The following C11orf65 variants were observed in gnomAD, a reference collection of about 807,000 sequenced individuals.
The protein encoded by C11orf65 is chromosome 11 open reading frame 65.
A neutral mutation model predicts 35.3 loss-of-function variants in C11orf65; 38 were observed. That is an observed-to-expected ratio of 1.08 (90% CI 0.83 to 1.41). The LOEUF (loss-of-function observed/expected upper bound fraction) is 1.41. Ranked by LOEUF, C11orf65 falls within the 40% of genes most tolerant of loss-of-function variation. The pLI, the probability that C11orf65 is intolerant of heterozygous loss-of-function variation, is 0.00. For missense variants in C11orf65, 370 were observed against 367.1 expected (o/e 1.01, Z -0.06); for synonymous variants, 105 against 114.4 (o/e 0.92, Z 0.53).
At chr11:108,325,441 T>A in intron 6 of C11orf65, 1 of 1,613,686 alleles carries the variant, frequency 6.2e-7, no homozygotes, top group Non-Finnish European at 8.5e-7. Context: ...GAGATCCTGA[T>A]GGAAAAGGAA....
At chr11:108,308,989 G>A in exon 7 of C11orf65, 1 of 1,524,390 alleles carries the variant, frequency 6.6e-7, no homozygotes, top group Non-Finnish European at 8.8e-7. Flanking sequence ...GGGGTAGAAT[G>A]GTGTTGACAT....
chr11:108,414,905 G>A (rs961590476), intron 3 of C11orf65, among the ~76,000 whole-genome samples: 1 of 152,012 alleles, frequency 6.6e-6, no homozygotes, highest in African/African-American at 2.4e-5. Context: ...CTATTATATT[G>A]TATCAACAGG....
At chr11:108,448,519 A>G (rs1203701556) in intron 2 of C11orf65, among the ~76,000 whole-genome samples, 2 of 152,222 alleles carry the variant, frequency 1.3e-5, no homozygotes, top group African/African-American at 4.8e-5. Context: ...TATAAACAGA[A>G]CCAAAGACAA....
intron 3 of C11orf65, among the ~76,000 whole-genome samples, chr11:108,414,104 T>C (rs150982892): frequency 0.015 from 2,322 of 151,840 alleles, 28 homozygotes; most frequent in Middle Eastern, 0.088. Flanking sequence ...AAGAAATCTA[T>C]AAAGAAAATA....
chr11:108,414,232 TTCTG>T (rs2092698824), intron 3 of C11orf65, among the ~76,000 whole-genome samples: 1 of 152,014 alleles, frequency 6.6e-6, no homozygotes, highest in Admixed American at 6.5e-5. Context: ...TCCTTGTCAT[TTCTG>T]TCTAATTGAA....
rs761324887 is a variant in C11orf65, at chr11:108,332,809, G to A, written c.300-1242C>T. On this transcript the variant is annotated intron_variant, in intron 3 of 3. Transcript: ENST00000524755. ...GAATAATATGTACTATCAGAAGTAG[G>A]AGACCTCAGATGGTCAGAAGTGTTG... The A allele has an allele frequency of 6.2e-6, 10 of 1,613,282 alleles. No individual in the cohort carries two copies. In the South Asian group the frequency reaches 1.1e-4, roughly 18 times the overall value.
rs374489547 is a variant in C11orf65 at position 108,372,468 on chromosome 11, C to T, written c.226+20740G>A. On this transcript the variant is annotated intron_variant, in intron 2 of 3. Coordinates refer to the C11orf65 transcript ENST00000524755. ...TCAGCACCCCAAAGTGCTGGGATTACAGGCGTGAGCCACTGTGCCTGGCCA... is the reference window on the plus strand; with the variant it reads ...TCAGCACCCCAAAGTGCTGGGATTATAGGCGTGAGCCACTGTGCCTGGCCA... 3.3e-5 allele frequency among the ~76,000 whole-genome samples: 5 copies of T among 152,366 alleles called. No homozygotes were observed. In the East Asian group the frequency reaches 7.7e-4, roughly 23 times the overall value.
chr11:108,394,179 C>CAAAAAAAA (rs11387098), intron 6 of C11orf65, among the ~76,000 whole-genome samples: 3 of 82,664 alleles, frequency 3.6e-5, no homozygotes, highest in Non-Finnish European at 6.4e-5. Flanking sequence ...GACTCCATCT[C>CAAAAAAAA]AAAAAAAAAA....
intron 2 of C11orf65, among the ~76,000 whole-genome samples, chr11:108,447,046 G>C (rs1471437259): frequency 6.6e-6 from 1 of 152,098 alleles, no homozygotes; most frequent in Non-Finnish European, 1.5e-5. Context: ...AGGCCATTAC[G>C]TAATGATAAA....
intron 6 of C11orf65, chr11:108,325,215 A>G: frequency 1.2e-6 from 1 of 831,300 alleles, no homozygotes; most frequent in Non-Finnish European, 1.9e-6. Flanking sequence ...TTGTATTATT[A>G]TAATATTATA....
chr11:108,326,781 A>G (rs2085722190), downstream of C11orf65, among the ~76,000 whole-genome samples: 1 of 152,206 alleles, frequency 6.6e-6, no homozygotes, highest in Non-Finnish European at 1.5e-5. Flanking sequence ...TCCCACAGAC[A>G]TGTACCTGCT....
chr11:108,353,078 G>A (rs2089407117), intron 2 of C11orf65, among the ~76,000 whole-genome samples: 1 of 152,128 alleles, frequency 6.6e-6, no homozygotes, highest in Non-Finnish European at 1.5e-5. Context: ...ATGGGGAAAA[G>A]GCATAAGGGA....
intron 2 of C11orf65, among the ~76,000 whole-genome samples, chr11:108,447,578 G>A (rs536725722): frequency 1.9e-3 from 289 of 152,158 alleles, no homozygotes; most frequent in African/African-American, 6.8e-3. Context: ...GACGTTCTTT[G>A]AAACCAACGA....
chr11:108,399,346 C>T (rs1043069065), intron 6 of C11orf65, among the ~76,000 whole-genome samples: 4 of 152,194 alleles, frequency 2.6e-5, no homozygotes, highest in African/African-American at 9.7e-5. Flanking sequence ...AGCTGGGAAA[C>T]TATAAATGTT....
chr11:108,329,046 A>G (rs2085976203), downstream of C11orf65: 1 of 1,614,120 alleles, frequency 6.2e-7, no homozygotes, highest in Non-Finnish European at 8.5e-7. Context: ...GGAAATTATG[A>G]TGGAGAAAGT....
chr11:108,347,459 A>G, intron 2 of C11orf65: 1 of 1,081,834 alleles, frequency 9.2e-7, no homozygotes, highest in Non-Finnish European at 1.4e-6. Flanking sequence ...AATATAAGAG[A>G]CAGATAAATT....
chr11:108,423,680 G>A (rs1370245925), intron 3 of C11orf65, among the ~76,000 whole-genome samples: 1 of 152,100 alleles, frequency 6.6e-6, no homozygotes, highest in Non-Finnish European at 1.5e-5. Flanking sequence ...CATCTGGCAG[G>A]TGCCCCTCTG....
intron 2 of C11orf65, among the ~76,000 whole-genome samples, chr11:108,460,878 A>G (rs535723942): frequency 3.9e-5 from 6 of 152,038 alleles, no homozygotes; most frequent in African/African-American, 1.4e-4. Flanking sequence ...GGCATGCGCC[A>G]CCACACCCAG....
At chr11:108,465,714 G>T (rs1228873678) in intron 1 of C11orf65, among the ~76,000 whole-genome samples, 1 of 151,956 alleles carries the variant, frequency 6.6e-6, no homozygotes, top group East Asian at 1.9e-4. Flanking sequence ...GCTGGGCGCG[G>T]TGGCTCACGC....
Sources: allele counts gnomAD v4.1 joint callset (sites outside exome capture counted in the v4.1 genomes callset), GRCh38; gene constraint gnomAD v4.1.1; transcripts MANE v1.5; gene names NCBI Gene and HGNC (gene_info 2026-07-23, HGNC 2026-07-21).